The following UNC79 variants were observed in gnomAD, a reference collection of about 807,000 sequenced individuals.
UNC79 encodes unc-79 subunit of NALCN channel complex.
In UNC79, 37 loss-of-function variants were observed where a neutral mutation model predicts 283.1. The observed-to-expected ratio is 0.13, with a 90% CI of 0.10 to 0.17. The LOEUF (loss-of-function observed/expected upper bound fraction) is 0.17, where lower values mean the gene tolerates loss of function less well. Among genes scored for constraint, UNC79 ranks in the 10% least tolerant of loss-of-function variants. UNC79 has a pLI of 1.00. For missense variants in UNC79, 2,272 were observed against 3,211.1 expected (o/e 0.71, Z 7.07); for synonymous variants, 1,107 against 1,200.2 (o/e 0.92, Z 1.61).
intron 47 of UNC79, among the ~76,000 whole-genome samples, chr14:93,703,571 A>G (rs1188868799): frequency 6.6e-6 from 1 of 152,180 alleles, no homozygotes; most frequent in East Asian, 1.9e-4. Flanking sequence ...ACTAATTTAC[A>G]TATTCAACAA....
At chr14:93,336,826 T>C (rs970308924) in intron 1 of UNC79, among the ~76,000 whole-genome samples, 1 of 152,334 alleles carries the variant, frequency 6.6e-6, no homozygotes, top group Admixed American at 6.5e-5. Context: ...TGTACTGATA[T>C]GGTTTGGATG....
intron 1 of UNC79, among the ~76,000 whole-genome samples, chr14:93,457,317 C>T (rs1407523117): frequency 3.3e-5 from 5 of 152,178 alleles, no homozygotes; most frequent in Non-Finnish European, 7.3e-5. Flanking sequence ...TTATAGCATG[C>T]ATTGATAAAT....
chr14:93,415,283 GT>G (rs1566921280), intron 1 of UNC79, among the ~76,000 whole-genome samples: 2 of 152,132 alleles, frequency 1.3e-5, no homozygotes, highest in Non-Finnish European at 2.9e-5. Flanking sequence ...TAATCATGTG[GT>G]TTTTGTCTTT....
At chr14:93,420,935 C>T (rs955119895) in intron 1 of UNC79, among the ~76,000 whole-genome samples, 1 of 151,480 alleles carries the variant, frequency 6.6e-6, no homozygotes, top group African/African-American at 2.4e-5. Context: ...CATACCAAAA[C>T]CTATGGGATA....
chr14:93,407,888 C>A (rs1566917144), intron 1 of UNC79, among the ~76,000 whole-genome samples: 2 of 152,108 alleles, frequency 1.3e-5, no homozygotes, highest in Non-Finnish European at 2.9e-5. Flanking sequence ...TCAAATTGAA[C>A]AAGGGAGACA....
chr14:93,442,932 T>C (rs2140138897), intron 1 of UNC79, among the ~76,000 whole-genome samples: 2 of 151,816 alleles, frequency 1.3e-5, no homozygotes, highest in Middle Eastern at 6.8e-3. Flanking sequence ...CTACTAAAAG[T>C]ACAAAAATTA....
intron 38 of UNC79, among the ~76,000 whole-genome samples, chr14:93,656,608 C>T (rs749337301): frequency 6.6e-6 from 1 of 151,770 alleles, no homozygotes; most frequent in Non-Finnish European, 1.5e-5. Flanking sequence ...GAGCCATGAT[C>T]GCACCACTGC....
intron 14 of UNC79, among the ~76,000 whole-genome samples, chr14:93,562,027 G>C (rs146314662): frequency 3.6e-3 from 544 of 152,306 alleles, no homozygotes; most frequent in Non-Finnish European, 6.2e-3. Context: ...AGGCTCATAA[G>C]GGTTATTACT....
intron 1 of UNC79, among the ~76,000 whole-genome samples, chr14:93,351,016 C>G (rs1453290632): frequency 2.6e-5 from 4 of 152,194 alleles, no homozygotes; most frequent in Non-Finnish European, 5.9e-5. Flanking sequence ...TCCTGCTATA[C>G]TCATAACCTT....
intron 30 of UNC79, among the ~76,000 whole-genome samples, chr14:93,625,465 C>G (rs183249844): frequency 2.0e-5 from 3 of 152,146 alleles, no homozygotes; most frequent in Non-Finnish European, 2.9e-5. Flanking sequence ...ACACTCCTGA[C>G]ACTTGGTTTC....
chr14:93,488,297 A>G (rs1048986119), intron 5 of UNC79, among the ~76,000 whole-genome samples: 5 of 152,180 alleles, frequency 3.3e-5, no homozygotes, highest in Admixed American at 1.3e-4. Context: ...GATGAATATT[A>G]ATATCTCTTT....
At chr14:93,632,785 C>G (rs1047415185) in intron 31 of UNC79, among the ~76,000 whole-genome samples, 1 of 151,980 alleles carries the variant, frequency 6.6e-6, no homozygotes, top group East Asian at 1.9e-4. Context: ...GTTAAATATA[C>G]CATAAAATGA....
chr14:93,628,996 C>T (rs764236342), intron 30 of UNC79, among the ~76,000 whole-genome samples: 4 of 152,106 alleles, frequency 2.6e-5, no homozygotes, highest in South Asian at 2.1e-4. Context: ...GTCAGGAGTT[C>T]GAGACCAGTC....
intron 40 of UNC79, among the ~76,000 whole-genome samples, chr14:93,663,854 G>C (rs1187980819): frequency 1.3e-5 from 2 of 151,920 alleles, no homozygotes; most frequent in East Asian, 1.9e-4. Context: ...TTGTGTTTAT[G>C]TTTAATTTGT....
At chr14:93,473,312 C>G (rs376097940) in intron 2 of UNC79, among the ~76,000 whole-genome samples, 2 of 151,996 alleles carry the variant, frequency 1.3e-5, no homozygotes, top group South Asian at 2.1e-4. Context: ...AAAATGTTTC[C>G]TCCCCAACAT....
At chr14:93,465,896 G>T (rs549954609) in intron 1 of UNC79, among the ~76,000 whole-genome samples, 7 of 152,248 alleles carry the variant, frequency 4.6e-5, no homozygotes, top group African/African-American at 1.7e-4. Context: ...GCATGTGCTG[G>T]CCTAGCATAT....
chr14:93,477,526 T>C, intron 3 of UNC79, 32 bp from the exon 4 acceptor site: 1 of 1,536,222 alleles, frequency 6.5e-7, no homozygotes, highest in Non-Finnish European at 8.7e-7. Flanking sequence ...TGCAAAATAT[T>C]CAGTGACTGA....
At chr14:93,660,032 C>T (rs1022939649) in intron 39 of UNC79, among the ~76,000 whole-genome samples, 1 of 152,206 alleles carries the variant, frequency 6.6e-6, no homozygotes, top group African/African-American at 2.4e-5. Context: ...AATGAGACCA[C>T]AAGCTTCAAG....
chr14:93,649,022 C>G (rs2069944506), intron 35 of UNC79, among the ~76,000 whole-genome samples: 1 of 152,114 alleles, frequency 6.6e-6, no homozygotes, highest in Non-Finnish European at 1.5e-5. Flanking sequence ...GAGAAAGAAC[C>G]AGAAGAGGGC....
Sources: allele counts gnomAD v4.1 joint callset (sites outside exome capture counted in the v4.1 genomes callset), GRCh38; gene constraint gnomAD v4.1.1; transcripts MANE v1.5; gene names NCBI Gene and HGNC (gene_info 2026-07-23, HGNC 2026-07-21).